SV2C: variants seen among roughly 807,000 people sequenced by gnomAD.
The protein encoded by SV2C is solute carrier family 22 member B3.
A neutral mutation model predicts 79.7 loss-of-function variants in SV2C; 49 were observed. The observed-to-expected ratio is 0.61, with a 90% CI of 0.49 to 0.78. The LOEUF (loss-of-function observed/expected upper bound fraction) is 0.78, where lower values mean the gene tolerates loss of function less well. Among genes scored for constraint, SV2C ranks in the 30% least tolerant of loss-of-function variants. The pLI is 0.00. For synonymous variants in SV2C, 334 were observed against 333.2 expected (o/e 1.00, Z -0.03); for missense variants, 833 against 912.9 (o/e 0.91, Z 1.13).
chr5:75,951,166 G>A, the SV2C span, among the ~76,000 whole-genome samples: 1 of 151,986 alleles, frequency 6.6e-6, no homozygotes, highest in Non-Finnish European at 1.5e-5. Context: ...AAATTTATGT[G>A]GTCTTACAGA....
the SV2C span, among the ~76,000 whole-genome samples, chr5:75,884,794 TA>T: frequency 6.6e-6 from 1 of 151,036 alleles, no homozygotes; most frequent in African/African-American, 2.4e-5. Flanking sequence ...ATGTCAATTA[TA>T]AATAAAAAAT....
chr5:76,307,203 T>G (rs1168504061), intron 12 of SV2C, among the ~76,000 whole-genome samples: 2 of 152,144 alleles, frequency 1.3e-5, no homozygotes, highest in African/African-American at 4.8e-5. Context: ...TACAACAAAT[T>G]TAGTGTAAAG....
chr5:76,336,807 G>A (rs1749338964), downstream of SV2C, among the ~76,000 whole-genome samples: 1 of 152,208 alleles, frequency 6.6e-6, no homozygotes, highest in Admixed American at 6.5e-5. Flanking sequence ...TTGAATGAGG[G>A]AGAAAAGAAA....
intron 12 of SV2C, among the ~76,000 whole-genome samples, chr5:76,321,773 C>G (rs1380220249): frequency 6.6e-6 from 1 of 150,456 alleles, no homozygotes. Context: ...ATTAAGTTTT[C>G]TGCCTAGAAG....
In SV2C at chr5:76,281,195, C is replaced by T. The variant is rs1001291040; in HGVS notation, c.914-3967C>T. The T allele has an allele frequency of 2.4e-5, 13 of 532,548 alleles. No homozygotes were observed. In the East Asian group the frequency reaches 2.7e-4, roughly 11 times the overall value. The allele number at this position is 532,548 out of a possible 1,614,324, so 33.0% of individuals were successfully genotyped here. ...ATAGAAATCCTTAAAAAAAGTAAGC[C>T]GACAAACAGAAAAGACAACAACAGT... On this transcript the variant is annotated intron_variant, in intron 4 of 12. Transcript: ENST00000502798.
the SV2C span, among the ~76,000 whole-genome samples, chr5:75,981,305 T>C: frequency 9.8e-3 from 1,492 of 152,302 alleles, 25 homozygotes; most frequent in African/African-American, 0.034. Flanking sequence ...AAGCAATTTA[T>C]AGTGTCAGTG....
chr5:75,946,251 T>C, the SV2C span, among the ~76,000 whole-genome samples: 3 of 152,076 alleles, frequency 2.0e-5, no homozygotes, highest in East Asian at 5.8e-4. Flanking sequence ...GAATACAGTG[T>C]GATGTATATG....
chr5:75,864,948 C>T, the SV2C span, among the ~76,000 whole-genome samples: 5 of 152,166 alleles, frequency 3.3e-5, no homozygotes, highest in Non-Finnish European at 7.3e-5. Flanking sequence ...AGCAACCCTA[C>T]CACTGAAGTG....
the SV2C span, among the ~76,000 whole-genome samples, chr5:76,014,267 G>GGAAA: frequency 8.9e-5 from 13 of 146,302 alleles, no homozygotes; most frequent in Admixed American, 2.1e-4. Context: ...AAAGAAAGAA[G>GGAAA]GAAAGAAAGA....
the SV2C span, chr5:75,911,552 G>T: frequency 1.5e-6 from 1 of 664,784 alleles, no homozygotes. Context: ...CCAAGTCCTA[G>T]TACCTCCCTA....
chr5:76,304,410 A>T (rs915360087), intron 12 of SV2C, among the ~76,000 whole-genome samples: 1 of 152,206 alleles, frequency 6.6e-6, no homozygotes, highest in South Asian at 2.1e-4. Context: ...CTCAGCTATT[A>T]GAGGAAAATC....
intron 2 of SV2C, among the ~76,000 whole-genome samples, chr5:76,168,699 T>C (rs1376642415): frequency 6.6e-6 from 1 of 152,192 alleles, no homozygotes; most frequent in Non-Finnish European, 1.5e-5. Context: ...TAAATTATGT[T>C]CTACTGTGTT....
chr5:75,853,510 C>T, the SV2C span, among the ~76,000 whole-genome samples: 4 of 142,916 alleles, frequency 2.8e-5, no homozygotes, highest in East Asian at 2.1e-4. Flanking sequence ...GAGCACAGAT[C>T]GCGCCACTGC....
intron 1 of SV2C, among the ~76,000 whole-genome samples, chr5:76,129,237 A>G (rs984101608): frequency 3.3e-5 from 5 of 152,216 alleles, no homozygotes; most frequent in African/African-American, 1.2e-4. Context: ...CTAATTTTAT[A>G]TAGCATTTTT....
the SV2C span, among the ~76,000 whole-genome samples, chr5:75,945,095 C>A: frequency 6.6e-6 from 1 of 151,964 alleles, no homozygotes; most frequent in South Asian, 2.1e-4. Flanking sequence ...CTTAAAGCAG[C>A]TAAAATAACC....
At chr5:76,275,356 G>A (rs1434859454) in intron 4 of SV2C, among the ~76,000 whole-genome samples, 3 of 151,984 alleles carry the variant, frequency 2.0e-5, no homozygotes, top group Non-Finnish European at 2.9e-5. Context: ...GCATGGTGGC[G>A]GGCGCCTGTA....
chr5:76,213,879 C>T (rs1744840286), intron 4 of SV2C, among the ~76,000 whole-genome samples: 1 of 152,160 alleles, frequency 6.6e-6, no homozygotes, highest in Non-Finnish European at 1.5e-5. Flanking sequence ...CCCCCCATCC[C>T]TCAATTCCTG....
the SV2C span, among the ~76,000 whole-genome samples, chr5:75,932,930 G>A: frequency 6.6e-6 from 1 of 152,154 alleles, no homozygotes; most frequent in East Asian, 1.9e-4. Context: ...TGATGACAAT[G>A]GCATCATAAT....
At chr5:76,280,503 C>G (rs566308871) in intron 4 of SV2C, among the ~76,000 whole-genome samples, 1 of 152,320 alleles carries the variant, frequency 6.6e-6, no homozygotes, top group Admixed American at 6.5e-5. Flanking sequence ...ATCAGTCTCT[C>G]CATCAGCTGA....
Sources: allele counts gnomAD v4.1 joint callset (sites outside exome capture counted in the v4.1 genomes callset), GRCh38; gene constraint gnomAD v4.1.1; transcripts MANE v1.5; gene names NCBI Gene and HGNC (gene_info 2026-07-23, HGNC 2026-07-21).